The following CHMP7 variants were observed in gnomAD, a reference collection of about 807,000 sequenced individuals.
CHMP7 encodes CHMP family, member 7.
In CHMP7, 15 loss-of-function variants were observed where a neutral mutation model predicts 53.7. The ratio of observed to expected loss-of-function variants is 0.28; its 90% CI spans 0.19 to 0.43. CHMP7 has a LOEUF of 0.43. CHMP7 is among the 20% of genes least tolerant of loss of function. The pLI is 1.00. For synonymous variants in CHMP7, 261 were observed against 228.0 expected, an observed-to-expected ratio of 1.14 and a Z score of -1.30; for missense variants, 527 against 569.4, an observed-to-expected ratio of 0.93 and a Z score of 0.76.
chr8:23,254,133 C>T (rs1802035982), intron 3 of CHMP7, among the ~76,000 whole-genome samples: 2 of 151,880 alleles, frequency 1.3e-5, no homozygotes, highest in African/African-American at 4.8e-5. Context: ...CCCGAGATAC[C>T]CGTTTCACCT....
At chr8:23,254,828 AG>A (rs1802062518) in intron 3 of CHMP7, 2 of 261,448 alleles carry the variant, frequency 7.6e-6, no homozygotes, top group Non-Finnish European at 1.5e-5. Context: ...CACCCTCTTC[AG>A]AGAGTGATAC....
At chr8:23,258,509 C>G in intron 7 of CHMP7, 60 bp downstream of exon 7, 1 of 1,600,384 alleles carries the variant, frequency 6.2e-7, no homozygotes, top group Non-Finnish European at 8.5e-7. Flanking sequence ...TGGTCACTTG[C>G]AGCTTCGGCT....
Position 23,256,572 on chromosome 8 carries a change from C to T in CHMP7, c.770C>T (p.Ser257Phe). 3 of 1,614,008 alleles carry T rather than the reference C, an allele frequency of 1.9e-6. No homozygotes were observed. Among genetic ancestry groups the T allele is most frequent in the Non-Finnish European group, 2.5e-6 (3 of 1,179,942 alleles). Residue 257 changes from serine to phenylalanine, a missense_variant, in exon 5 of 11, where the codon TCC becomes TTC. Physicochemically the swap from Ser to Phe is radical, Grantham distance 155. Transcript: ENST00000397677. The part of the protein sequence containing the change: ...SEQLLSRKVE[S>F]LSQEAERCKE... ...CAGCTTCTCTCACGCAAAGTGGAGT[C>T]CTTATCCCAGGAAGCAGAGAGGTAA...
intron 9 of CHMP7, among the ~76,000 whole-genome samples, chr8:23,259,369 T>TA (rs1802289922): frequency 6.7e-6 from 1 of 150,326 alleles, no homozygotes; most frequent in Non-Finnish European, 1.5e-5. Flanking sequence ...GGGGTCATTT[T>TA]TTTTTTTTTT....
chr8:23,248,586 A>G (rs1801799639), intron 2 of CHMP7, among the ~76,000 whole-genome samples: 1 of 152,190 alleles, frequency 6.6e-6, no homozygotes. Flanking sequence ...GAATTCTAAA[A>G]TGGTGATGAT....
Position 23,246,652 on chromosome 8 carries a change from A to C in CHMP7, c.-44A>C. 2 of 1,511,470 alleles carry C rather than the reference A, an allele frequency of 1.3e-6. No homozygotes were observed. Among genetic ancestry groups the C allele is most frequent in the Non-Finnish European group, 1.8e-6 (2 of 1,121,590 alleles). 93.6% of individuals were successfully genotyped at this position (1,511,470 alleles called of 1,614,324 possible). ...GAGGGAACGAGGGCGGAAGCGGACC[A>C]GGGCCAGGCTTGTGTTCGCAGCCTT... is the stretch of plus-strand genomic sequence containing the variant. On this transcript the variant is annotated 5_prime_UTR_variant, in exon 2 of 11. Coordinates refer to ENST00000397677, the MANE Select transcript of CHMP7 (RefSeq NM_152272.5).
At chr8:23,247,447 G>A (rs1192525926) in intron 2 of CHMP7, among the ~76,000 whole-genome samples, 1 of 152,226 alleles carries the variant, frequency 6.6e-6, no homozygotes, top group Non-Finnish European at 1.5e-5. Flanking sequence ...ACAACCCCTG[G>A]CACAGCTCAT....
chr8:23,249,754 G>A (rs753165018), intron 3 of CHMP7, among the ~76,000 whole-genome samples: 1 of 152,118 alleles, frequency 6.6e-6, no homozygotes, highest in African/African-American at 2.4e-5. Context: ...GGCCCACTCA[G>A]CTCCACTTTC....
intron 5 of CHMP7, 108 bp downstream of exon 5, chr8:23,256,701 T>TTTC: frequency 1.2e-6 from 1 of 853,376 alleles, no homozygotes; most frequent in Non-Finnish European, 1.8e-6. Context: ...TTTTTTTTTT[T>TTTC]TTTAGCTAAT....
Position 23,258,610 on chromosome 8 carries a change from G to C in CHMP7, c.961-122G>C. On this transcript the variant is annotated intron_variant, in intron 7 of 10. Coordinates refer to ENST00000397677, the MANE Select transcript of CHMP7 (RefSeq NM_152272.5). The stretch of plus-strand genomic sequence containing the variant: ...AGGAGGTTTGGCCTCGGTGGGTATA[G>C]GGTAAATTGAGCTTGGGTGCCAAAA... 3.3e-6 allele frequency: 4 copies of C among 1,206,662 alleles called. No individual in the cohort carries two copies. In the South Asian group the frequency reaches 5.3e-5, roughly 16 times the overall value. 74.7% of individuals were successfully genotyped at this position (1,206,662 alleles called of 1,614,324 possible). A position where few individuals can be genotyped will look rare whatever the true frequency, so the allele number is the denominator to read the frequency against.
chr8:23,249,746 C>A lies in CHMP7; in HGVS notation c.471+365C>A, dbSNP rs113493227. On this transcript the variant is annotated intron_variant, in intron 3 of 10. Coordinates refer to ENST00000397677, the MANE Select transcript of CHMP7 (RefSeq NM_152272.5). The stretch of plus-strand genomic sequence containing the variant: ...TTCAGCATTGCCACCTCTAAACTGG[C>A]CCACTCAGCTCCACTTTCCTACTTT... 5.4e-3 allele frequency among the ~76,000 whole-genome samples: 824 copies of A among 152,250 alleles called. 6 individuals are homozygous for A. The highest frequency in any genetic ancestry group is 9.1e-3 in the Non-Finnish European group (617 of 68,006).
chr8:23,248,868 G>A (rs1285546193), intron 2 of CHMP7, among the ~76,000 whole-genome samples: 1 of 152,206 alleles, frequency 6.6e-6, no homozygotes, highest in South Asian at 2.1e-4. Context: ...AGATCTCACC[G>A]AAGGCCCAGA....
chr8:23,260,637 C>T lies in CHMP7; in HGVS notation c.*38C>T, dbSNP rs935168100. On this transcript the variant is annotated 3_prime_UTR_variant, in exon 11 of 11. Coordinates refer to ENST00000397677, the MANE Select transcript of CHMP7 (RefSeq NM_152272.5). ...AAGGACCCTCATGTAAAAGAGAGAC[C>T]AGGCTTGCTGGGTGTGTACATAGTT... 8 of 1,503,056 alleles carry T rather than the reference C, an allele frequency of 5.3e-6. No homozygotes were observed. Among genetic ancestry groups the T allele is most frequent in the Non-Finnish European group, 6.5e-6 (7 of 1,078,636 alleles). 93.1% of individuals were successfully genotyped at this position (1,503,056 alleles called of 1,614,324 possible).
In CHMP7 at chr8:23,258,822, A is replaced by G; in HGVS notation, c.1051A>G (p.Ile351Val). ...GAAGGCAGAGAGCCTCGTGGATCAG[A>G]TCCAAGAGGTACAGAAAGGGGCCAG... ...VEKAESLVDQ[I>V]QELCDTQDEV... is the part of the protein sequence containing the mutation. The change falls in exon 8 of 11, where the codon ATC becomes GTC. Residue 351 changes from isoleucine to valine, a missense_variant. Ile to Val is a conservative substitution (Grantham distance 29). Transcript: ENST00000397677. 8.7e-6 allele frequency: 14 copies of G among 1,608,862 alleles called. No homozygotes were observed. Among genetic ancestry groups the G allele is most frequent in the Non-Finnish European group, 1.2e-5 (14 of 1,175,524 alleles).
rs560767327 is a variant in CHMP7, at chr8:23,246,680, C to A, written c.-16C>A. 26 of 1,544,292 alleles carry A rather than the reference C, an allele frequency of 1.7e-5. No individual in the cohort carries two copies. The highest frequency in any genetic ancestry group is 2.1e-5 in the Non-Finnish European group (24 of 1,144,192). On this transcript the variant is annotated 5_prime_UTR_variant, in exon 2 of 11. Coordinates refer to ENST00000397677, the MANE Select transcript of CHMP7 (RefSeq NM_152272.5). ...GCCAGGCTTGTGTTCGCAGCCTTGC[C>A]GGGGCTGGGGTTCCGATGTGGTCCC...
intron 3 of CHMP7, chr8:23,254,953 G>A: frequency 4.4e-6 from 2 of 449,640 alleles, no homozygotes; most frequent in Non-Finnish European, 8.3e-6. Context: ...GTCTTCCCTT[G>A]GGAAACCACA....
chr8:23,252,487 T>C (rs1305267637), intron 3 of CHMP7: 1 of 152,186 alleles, frequency 6.6e-6, no homozygotes, highest in African/African-American at 2.4e-5. Context: ...CCTGGCCTTA[T>C]TGTGTTATCT....
rs1018446459 is a variant in CHMP7, at chr8:23,246,502, T to A, written c.-194T>A. On this transcript the variant is annotated 5_prime_UTR_variant, in exon 2 of 11. Transcript: ENST00000397677. ...TGTCTCTCTGAAAAGAACTTCATCA[T>A]ACTGCCTCCTGGCTGACGGAGCGCA... 4 of 598,152 alleles carry A rather than the reference T, an allele frequency of 6.7e-6. No homozygotes were observed. The highest frequency in any genetic ancestry group is 1.2e-5 in the Non-Finnish European group (4 of 338,534). The allele number at this position is 598,152 out of a possible 1,614,324, so 37.1% of individuals were successfully genotyped here.
chr8:23,258,180 G>A (rs761976733), intron 6 of CHMP7, 99 bp downstream of exon 6: 24 of 1,436,468 alleles, frequency 1.7e-5, no homozygotes, highest in Non-Finnish European at 2.3e-5. Context: ...TTTGAGGGGG[G>A]TAGAGTCTGC....
Sources: allele counts gnomAD v4.1 joint callset (sites outside exome capture counted in the v4.1 genomes callset), GRCh38; gene constraint gnomAD v4.1.1; transcripts MANE v1.5; gene names NCBI Gene and HGNC (gene_info 2026-07-23, HGNC 2026-07-21).